CCDC171: variants seen among roughly 807,000 people sequenced by gnomAD.
CCDC171 encodes the protein coiled-coil domain-containing protein 171.
A neutral mutation model predicts 168.2 loss-of-function variants in CCDC171; 177 were observed. That is an observed-to-expected ratio of 1.05 (90% CI 0.93 to 1.19). CCDC171 has a LOEUF of 1.19. Ranked by LOEUF, CCDC171 falls within the 50% of genes most tolerant of loss-of-function variation. The pLI is 0.00. For synonymous variants in CCDC171, 687 were observed against 540.8 expected, an observed-to-expected ratio of 1.27 and a Z score of -3.75; for missense variants, 1,991 against 1,539.0, an observed-to-expected ratio of 1.29 and a Z score of -4.91.
chr9:15,806,298 C>T (rs1244225560), intron 21 of CCDC171, among the ~76,000 whole-genome samples: 8 of 152,032 alleles, frequency 5.3e-5, no homozygotes, highest in Non-Finnish European at 7.4e-5. Context: ...GGTTATTTTT[C>T]GGACTCGTTT....
At chr9:15,929,928 A>T (rs1035595103) in intron 25 of CCDC171, among the ~76,000 whole-genome samples, 1 of 151,624 alleles carries the variant, frequency 6.6e-6, no homozygotes, top group African/African-American at 2.4e-5. Context: ...GGTTTTTTTC[A>T]CCATTGTTCA....
At chr9:15,908,128 C>G (rs1823001250) in intron 24 of CCDC171, among the ~76,000 whole-genome samples, 1 of 151,470 alleles carries the variant, frequency 6.6e-6, no homozygotes, top group African/African-American at 2.4e-5. Flanking sequence ...CTAGAAATAC[C>G]ATTTGACCCA....
At position 15,565,874 on chromosome 9, in the gene CCDC171, G is replaced by A. The variant is rs934959453; in HGVS notation, c.41+1745G>A. Among the ~76,000 whole-genome samples the A allele has an allele frequency of 3.9e-5, 6 of 152,204 alleles. No individual in the cohort carries two copies. In the South Asian group the frequency reaches 8.3e-4, roughly 21 times the overall value. On this transcript the variant is annotated intron_variant, in intron 2 of 25. Coordinates refer to ENST00000380701, the MANE Select transcript of CCDC171 (RefSeq NM_173550.4). Reference sequence around the variant, plus strand: ...TTTGTTTCCCTTAGGTAGATTCTTAGGAGCAGCAATGCTGTATCATATAGT... The same window carrying A: ...TTTGTTTCCCTTAGGTAGATTCTTAAGAGCAGCAATGCTGTATCATATAGT...
At chr9:15,609,767 C>T (rs1045087417) in intron 6 of CCDC171, among the ~76,000 whole-genome samples, 4 of 152,012 alleles carry the variant, frequency 2.6e-5, no homozygotes, top group African/African-American at 9.6e-5. Flanking sequence ...GAGAACTTTC[C>T]TCTGTCTTTA....
At chr9:15,609,823 T>G (rs1463397090) in intron 6 of CCDC171, among the ~76,000 whole-genome samples, 11 of 152,216 alleles carry the variant, frequency 7.2e-5, no homozygotes, top group Non-Finnish European at 1.6e-4. Flanking sequence ...TCTTGGCTTT[T>G]TACTTCCCTA....
At chr9:15,835,943 T>G (rs1404836241) in intron 21 of CCDC171, among the ~76,000 whole-genome samples, 1 of 152,104 alleles carries the variant, frequency 6.6e-6, no homozygotes, top group Non-Finnish European at 1.5e-5. Context: ...ATTTTGTTAT[T>G]GTCTTCAATT....
chr9:16,014,608 G>T lies in CCDC171; in HGVS notation n.369-5981G>T, dbSNP rs1468307435. Among the ~76,000 whole-genome samples, 17 of 152,090 alleles carry T rather than the reference G, an allele frequency of 1.1e-4. No homozygotes were observed. In the East Asian group the frequency reaches 3.3e-3, roughly 29 times the overall value. On this transcript the variant is annotated intron_variant and non_coding_transcript_variant, in intron 3 of 9. Coordinates refer to the CCDC171 transcript ENST00000486641. The stretch of plus-strand genomic sequence containing the variant: ...ATGAAATGTATTTCTTAAATAATAA[G>T]ACTAGAAAGTCAAAAGTACTCCTAA...
At chr9:15,796,905 G>C (rs937956428) in intron 21 of CCDC171, among the ~76,000 whole-genome samples, 1 of 152,208 alleles carries the variant, frequency 6.6e-6, no homozygotes, top group Non-Finnish European at 1.5e-5. Flanking sequence ...TGGGTGACTA[G>C]CAAGCACCCA....
chr9:16,001,664 A>G (rs896007429), intron 3 of CCDC171, among the ~76,000 whole-genome samples: 1 of 152,084 alleles, frequency 6.6e-6, no homozygotes, highest in Non-Finnish European at 1.5e-5. Flanking sequence ...CCTATAGCCG[A>G]GTGACATTGT....
At chr9:15,612,625 CCT>C (rs1415177798) in intron 6 of CCDC171, among the ~76,000 whole-genome samples, 1 of 151,838 alleles carries the variant, frequency 6.6e-6, no homozygotes, top group Non-Finnish European at 1.5e-5. Context: ...TGAGTGTGCC[CCT>C]GTTCTTGAGT....
At chr9:15,906,218 C>G (rs1053775375) in intron 24 of CCDC171, among the ~76,000 whole-genome samples, 2 of 152,078 alleles carry the variant, frequency 1.3e-5, no homozygotes, top group Non-Finnish European at 2.9e-5. Context: ...GAGACACAAC[C>G]CAAAAAGAGA....
At chr9:15,862,752 A>C (rs958174890) in intron 23 of CCDC171, among the ~76,000 whole-genome samples, 3 of 152,080 alleles carry the variant, frequency 2.0e-5, no homozygotes, top group African/African-American at 7.2e-5. Flanking sequence ...GTGTTAGTCC[A>C]AACTGTCATC....
intron 21 of CCDC171, among the ~76,000 whole-genome samples, chr9:15,806,248 T>C (rs565952624): frequency 1.3e-5 from 2 of 152,286 alleles, no homozygotes; most frequent in East Asian, 3.9e-4. Context: ...AGGTTAGTAT[T>C]GTTATGTGTA....
the CCDC171 span, among the ~76,000 whole-genome samples, chr9:16,075,386 G>A: frequency 6.6e-6 from 1 of 151,998 alleles, no homozygotes; most frequent in Admixed American, 6.6e-5. Context: ...ATAATCGCTT[G>A]TCTCTCTGAA....
At chr9:15,718,441 C>G (rs114344578) in intron 11 of CCDC171, among the ~76,000 whole-genome samples, 83 of 152,364 alleles carry the variant, frequency 5.4e-4, no homozygotes, top group African/African-American at 1.9e-3. Context: ...GCTGGCTTCA[C>G]TACCTGCTTA....
chr9:15,624,475 A>G (rs1481874760), intron 7 of CCDC171, among the ~76,000 whole-genome samples: 1 of 151,502 alleles, frequency 6.6e-6, no homozygotes, highest in African/African-American at 2.4e-5. Flanking sequence ...CCCCCACCCC[A>G]TGACAGGCCC....
chr9:15,916,557 C>T (rs1005337448), intron 24 of CCDC171, among the ~76,000 whole-genome samples: 1 of 151,944 alleles, frequency 6.6e-6, no homozygotes, highest in African/African-American at 2.4e-5. Flanking sequence ...TCACTATTTT[C>T]TTCTTCTCTT....
intron 18 of CCDC171, among the ~76,000 whole-genome samples, chr9:15,750,805 A>T (rs181374208): frequency 6.6e-6 from 1 of 152,156 alleles, no homozygotes; most frequent in African/African-American, 2.4e-5. Context: ...GTTTATGACA[A>T]ACCCACAGCC....
intron 21 of CCDC171, among the ~76,000 whole-genome samples, chr9:15,827,835 G>A (rs577882214): frequency 1.2e-3 from 187 of 152,248 alleles, no homozygotes; most frequent in African/African-American, 4.2e-3. Context: ...CTGCTTCTAA[G>A]TAATTTTTTT....
Sources: allele counts gnomAD v4.1 joint callset (sites outside exome capture counted in the v4.1 genomes callset), GRCh38; gene constraint gnomAD v4.1.1; transcripts MANE v1.5; gene names NCBI Gene and HGNC (gene_info 2026-07-23, HGNC 2026-07-21).